Variants in PAH observed in about 807,000 individuals in gnomAD.
PAH encodes the protein phenylalanine-4-hydroxylase.
Under a neutral mutation model 62.0 loss-of-function variants are expected in PAH, and 64 were observed. The observed-to-expected ratio is 1.03, with a 90% CI of 0.84 to 1.27. The LOEUF (loss-of-function observed/expected upper bound fraction) is 1.27. Ranked by LOEUF, PAH falls within the 50% of genes most tolerant of loss-of-function variation. The pLI is 0.00. For synonymous variants in PAH, 195 were observed against 196.2 expected (o/e 0.99, Z 0.05); for missense variants, 579 against 542.8 (o/e 1.07, Z -0.66).
At chr12:102,856,290 C>T (rs1263200477) in intron 5 of PAH, among the ~76,000 whole-genome samples, 1 of 152,136 alleles carries the variant, frequency 6.6e-6, no homozygotes, top group Non-Finnish European at 1.5e-5. Flanking sequence ...CCAGGTGACT[C>T]TGATGCAAAC....
chr12:102,862,005 A>G (rs997661777), intron 5 of PAH, among the ~76,000 whole-genome samples: 3 of 151,206 alleles, frequency 2.0e-5, no homozygotes, highest in Admixed American at 1.3e-4. Context: ...CAATTCCTCA[A>G]AGACCTAAAA....
intron 2 of PAH, among the ~76,000 whole-genome samples, chr12:102,895,594 C>T (rs1877464231): frequency 6.6e-6 from 1 of 152,040 alleles, no homozygotes; most frequent in South Asian, 2.1e-4. Context: ...CGCCTGTAAT[C>T]CCAGCACTTT....
chr12:102,856,049 T>C (rs1437320439), intron 5 of PAH, among the ~76,000 whole-genome samples: 1 of 88,908 alleles, frequency 1.1e-5, no homozygotes, highest in Non-Finnish European at 2.2e-5. Flanking sequence ...TTAAAAATTA[T>C]ATACAATTTT....
intron 4 of PAH, among the ~76,000 whole-genome samples, chr12:102,871,618 C>T (rs1008224057): frequency 6.6e-6 from 1 of 152,038 alleles, no homozygotes; most frequent in Non-Finnish European, 1.5e-5. Context: ...CAAGTAGAAG[C>T]TGTTCAAAAA....
At chr12:102,861,527 C>A (rs1436641393) in intron 5 of PAH, among the ~76,000 whole-genome samples, 2 of 152,186 alleles carry the variant, frequency 1.3e-5, no homozygotes, top group African/African-American at 4.8e-5. Flanking sequence ...AAGACACATG[C>A]ACACATATGT....
intron 5 of PAH, among the ~76,000 whole-genome samples, chr12:102,862,396 A>G (rs1016087067): frequency 1.3e-5 from 2 of 152,112 alleles, no homozygotes; most frequent in Non-Finnish European, 2.9e-5. Context: ...GAGTCTAATG[A>G]AGGGTGGAGG....
At chr12:102,912,756 A>G (rs755507491) in intron 2 of PAH, 35 bp downstream of exon 2, 2 of 1,387,226 alleles carry the variant, frequency 1.4e-6, no homozygotes, top group Admixed American at 1.7e-5. Context: ...GTTTGCTACG[A>G]CATTATCCAA....
intron 2 of PAH, among the ~76,000 whole-genome samples, chr12:102,907,447 C>T (rs920055213): frequency 2.6e-5 from 4 of 152,228 alleles, no homozygotes; most frequent in Non-Finnish European, 4.4e-5. Context: ...CCGCTCTGAA[C>T]CTCAGTTCCC....
chr12:102,855,178 C>A lies in PAH; in HGVS notation c.664G>T (p.Asp222Tyr). 2 of 1,614,060 alleles carry A rather than the reference C, an allele frequency of 1.2e-6. No homozygotes were observed. The highest frequency in any genetic ancestry group is 1.3e-5 in the African/African-American group (1 of 75,042). The change falls in exon 6 of 13, where the codon GAT (aspartate) becomes TAT (tyrosine). Residue 222 changes from aspartate to tyrosine, a missense_variant. Coordinates refer to ENST00000553106, the MANE Select transcript of PAH (RefSeq NM_000277.3). ...LLEKYCGFHE[D>Y]NIPQLEDVSQ... ...ACGTCTTCCAGCTGGGGAATGTTAT[C>A]TTCATGGAAGCCACAGTACTTTTCA...
rs1592988883 is a variant in PAH at position 102,912,825 on chromosome 12, A to G, written c.134T>C (p.Val45Ala). 1.2e-6 allele frequency: 2 copies of G among 1,613,510 alleles called. No homozygotes were observed. Among genetic ancestry groups the G allele is most frequent in the Non-Finnish European group, 1.7e-6 (2 of 1,179,540 alleles). The change falls in exon 2 of 13, where the codon GTT (valine) becomes GCT (alanine). Residue 45 changes from valine to alanine, a missense_variant. Val to Ala is a moderately conservative substitution (Grantham distance 64, BLOSUM62 0). Coordinates refer to ENST00000553106, the MANE Select transcript of PAH (RefSeq NM_000277.3). ...GCGCAATACTTTGGCCAATGCACCA[A>G]CTTCTTCTTTGAGTGAGAAGATCAG... ...ISLIFSLKEEVGALAKVLRLF... is the reference protein window; with the variant it reads ...ISLIFSLKEEAGALAKVLRLF...
intron 1 of PAH, among the ~76,000 whole-genome samples, chr12:102,936,795 G>T (rs1404266045): frequency 6.6e-6 from 1 of 152,088 alleles, no homozygotes; most frequent in Non-Finnish European, 1.5e-5. Context: ...TTTCTTGTAG[G>T]CAACAGATCA....
chr12:102,901,559 A>T (rs1474461209), intron 2 of PAH, among the ~76,000 whole-genome samples: 1 of 152,002 alleles, frequency 6.6e-6, no homozygotes, highest in Non-Finnish European at 1.5e-5. Flanking sequence ...TTATCCTTCA[A>T]TATTTGTTTT....
chr12:102,886,014 G>A (rs183845627), intron 3 of PAH: 1 of 152,436 alleles, frequency 6.6e-6, no homozygotes, highest in South Asian at 2.1e-4. Flanking sequence ...AAAGGAAGAA[G>A]AGATGGCATG....
intron 5 of PAH, among the ~76,000 whole-genome samples, chr12:102,866,047 A>G (rs1875941066): frequency 6.6e-6 from 1 of 151,566 alleles, no homozygotes; most frequent in Non-Finnish European, 1.5e-5. Flanking sequence ...CTTTTGGCTA[A>G]AATAGGGTAG....
At chr12:102,890,160 C>G (rs569510806) in intron 3 of PAH, among the ~76,000 whole-genome samples, 12 of 152,262 alleles carry the variant, frequency 7.9e-5, no homozygotes, top group Middle Eastern at 3.4e-3. Flanking sequence ...ACCCACATGG[C>G]TTTTTGAATG....
At chr12:102,913,832 G>C in intron 1 of PAH, 1 of 701,964 alleles carries the variant, frequency 1.4e-6, no homozygotes, top group Admixed American at 2.0e-5. Context: ...CCAAGGTTGG[G>C]GTTAGGGCTG....
In PAH at chr12:102,840,406, T is replaced by C; in HGVS notation, c.1309A>G (p.Ile437Val). 4 of 1,609,512 alleles carry C rather than the reference T, an allele frequency of 2.5e-6. No individual in the cohort carries two copies. The highest frequency in any genetic ancestry group is 3.4e-6 in the Non-Finnish European group (4 of 1,175,794). ...TQQLKILADS[I>V]NSEIGILCSA... ...TAAGGTGTAAATTACTTACTGTTAATGGAATCAGCCAAAATCTTAAGCTGC... is the reference window on the plus strand; with the variant it reads ...TAAGGTGTAAATTACTTACTGTTAACGGAATCAGCCAAAATCTTAAGCTGC... Residue 437 changes from isoleucine (I) to valine (V), a missense_variant, in exon 12 of 13, where the codon ATT becomes GTT. By Grantham distance (29) the Ile-to-Val change is conservative (BLOSUM62 3). Transcript: ENST00000553106.
chr12:102,941,436 T>C (rs764886300), intron 1 of PAH, among the ~76,000 whole-genome samples: 3 of 152,090 alleles, frequency 2.0e-5, no homozygotes, highest in South Asian at 2.1e-4. Flanking sequence ...ATGACATCCA[T>C]AGGCTAAAAG....
chr12:102,877,547 G>A lies in PAH; in HGVS notation c.356C>T (p.Pro119Leu), dbSNP rs374999809. 6.2e-7 allele frequency: 1 copy of A among 1,612,390 alleles called. No individual in the cohort carries two copies. Among genetic ancestry groups the A allele is most frequent in the African/African-American group, 1.3e-5 (1 of 74,878 alleles). The change falls in exon 4 of 13, where the codon CCC (proline) becomes CTC (leucine). Residue 119 changes from proline to leucine, a missense_variant. Coordinates refer to ENST00000553106, the MANE Select transcript of PAH (RefSeq NM_000277.3). The part of the protein sequence containing the change: ...LSRDKKKDTV[P>L]WFPRTIQELD... ...CTCTTGAATGGTTCTTGGGAACCAG[G>A]GCACTGAAACACAGAGAAGGCAACG...
Sources: allele counts gnomAD v4.1 joint callset (sites outside exome capture counted in the v4.1 genomes callset), GRCh38; gene constraint gnomAD v4.1.1; transcripts MANE v1.5; gene names NCBI Gene and HGNC (gene_info 2026-07-23, HGNC 2026-07-21).